The following RIOK2 variants were observed in gnomAD, a reference collection of about 807,000 sequenced individuals.
RIOK2 encodes the protein serine/threonine-protein kinase RIO2.
A neutral mutation model predicts 62.4 loss-of-function variants in RIOK2; 46 were observed. The ratio of observed to expected loss-of-function variants is 0.74; its 90% CI spans 0.58 to 0.94. The LOEUF (loss-of-function observed/expected upper bound fraction) is 0.94, where lower values mean the gene tolerates loss of function less well. Ranked by LOEUF, RIOK2 falls within the 40% of genes least tolerant of loss-of-function variation. The pLI is 0.00. For missense variants in RIOK2, 574 were observed against 658.0 expected, an observed-to-expected ratio of 0.87 and a Z score of 1.40; for synonymous variants, 197 against 216.0, an observed-to-expected ratio of 0.91 and a Z score of 0.77.
rs879063487 is a variant in RIOK2 at position 97,177,820 on chromosome 5, T to C, written c.234A>G (p.Ala78=). 3 of 1,613,318 alleles carry C rather than the reference T, an allele frequency of 1.9e-6. No individual in the cohort carries two copies. The South Asian group carries it at 3.3e-5, about 18-fold the overall frequency. Residue 78 remains alanine, a synonymous_variant, in exon 3 of 10, where the codon GCA becomes GCG. Transcript: ENST00000283109. The part of the protein sequence containing the change: ...KTVQGYRLTN[A]GYDYLALKTL... Reference sequence around the variant, plus strand: ...TTTTCAAAGCTAGGTAATCATATCCTGCATTTGTCAACCGATAGCCCTGGA... The same window carrying C: ...TTTTCAAAGCTAGGTAATCATATCCCGCATTTGTCAACCGATAGCCCTGGA...
At chr5:97,166,145 T>C in intron 8 of RIOK2, 1 of 291,060 alleles carries the variant, frequency 3.4e-6, no homozygotes, top group South Asian at 3.3e-5. Context: ...CCTTGGTCTC[T>C]AGCTTGTTGA....
chr5:97,170,854 T>G (rs1490668040), intron 6 of RIOK2, among the ~76,000 whole-genome samples: 1 of 151,794 alleles, frequency 6.6e-6, no homozygotes, highest in Non-Finnish European at 1.5e-5. Flanking sequence ...ACATCCAGAA[T>G]CAATAATAGC....
intron 4 of RIOK2, among the ~76,000 whole-genome samples, chr5:97,173,851 A>G (rs1344728975): frequency 1.3e-5 from 2 of 152,230 alleles, no homozygotes; most frequent in Non-Finnish European, 2.9e-5. Flanking sequence ...AAGACTCTCC[A>G]TACATCTTTT....
chr5:97,173,071 C>T, intron 5 of RIOK2, 104 bp downstream of exon 5: 1 of 704,260 alleles, frequency 1.4e-6, no homozygotes, highest in Non-Finnish European at 2.3e-6. Flanking sequence ...AAATTTTAAC[C>T]TCCCAGAGGC....
chr5:97,167,769 G>A lies in RIOK2; in HGVS notation c.1095C>T (p.Cys365=). 1 of 1,614,114 alleles carries A rather than the reference G, an allele frequency of 6.2e-7. No homozygotes were observed. Among genetic ancestry groups the A allele is most frequent in the South Asian group, 1.1e-5 (1 of 91,082 alleles). Residue 365 remains cysteine, a synonymous_variant, in exon 8 of 10, where the codon TGC becomes TGT. Coordinates refer to ENST00000283109, the MANE Select transcript of RIOK2 (RefSeq NM_018343.3). ...CAGGGTCTCCAGATGATCTGCAATA[G>A]CAGCCCTCTGATTCTTCTAGACAGT... The part of the protein sequence containing the change: ...ERNCLEESEG[C]YCRSSGDPEQ...
intron 4 of RIOK2, chr5:97,175,936 T>G (rs1276046296): frequency 2.0e-5 from 3 of 152,162 alleles, no homozygotes; most frequent in Non-Finnish European, 4.4e-5. Context: ...ATAAAGGATT[T>G]TTTTTTTTAA....
rs1749263396 is a variant in RIOK2, at chr5:97,179,138, A to T, written c.122T>A (p.Ile41Lys). 1.9e-6 allele frequency: 3 copies of T among 1,613,908 alleles called. No individual in the cohort carries two copies. The highest frequency in any genetic ancestry group is 1.3e-5 in the African/African-American group (1 of 75,066). ...ACAGCCACCATGTTTAAGGCTGGCT[A>T]TAGAAGCAATCAAACTGCCGGGAAC... ...EIVPGSLIASIASLKHGGCNK... is the reference protein window; with the variant it reads ...EIVPGSLIASKASLKHGGCNK... The change falls in exon 2 of 10, where the codon ATA becomes AAA. Residue 41 changes from isoleucine to lysine, a missense_variant. Transcript: ENST00000283109.
At chr5:97,179,907 T>C (rs1224119665) in intron 1 of RIOK2, among the ~76,000 whole-genome samples, 1 of 131,482 alleles carries the variant, frequency 7.6e-6, no homozygotes, top group African/African-American at 2.9e-5. Flanking sequence ...AGCATGTGTA[T>C]ACCTATGTAA....
At chr5:97,163,792 C>A (rs958404172) in intron 9 of RIOK2, among the ~76,000 whole-genome samples, 1 of 152,172 alleles carries the variant, frequency 6.6e-6, no homozygotes, top group African/African-American at 2.4e-5. Context: ...TTCTCTGAAG[C>A]ACTACAGTCT....
intron 1 of RIOK2, among the ~76,000 whole-genome samples, chr5:97,179,654 C>A (rs1444884578): frequency 6.6e-6 from 1 of 151,648 alleles, no homozygotes; most frequent in Non-Finnish European, 1.5e-5. Context: ...GAGTTCATGC[C>A]TTTTGCAGGG....
chr5:97,173,965 T>C (rs751052886), intron 4 of RIOK2, among the ~76,000 whole-genome samples: 17 of 152,184 alleles, frequency 1.1e-4, no homozygotes, highest in Admixed American at 1.1e-3. Flanking sequence ...ATGCTAGTAT[T>C]AGGAATGGCA....
At chr5:97,163,281 C>T (rs1748753410) in intron 9 of RIOK2, 56 bp from the exon 10 acceptor site, 1 of 1,352,368 alleles carries the variant, frequency 7.4e-7, no homozygotes. Context: ...AAAAAGTACA[C>T]TGCTAATATC....
chr5:97,167,681 C>T lies in RIOK2; in HGVS notation c.1183G>A (p.Glu395Lys). The part of the protein sequence containing the change: ...SADARSFEMT[E>K]FNQALEEIKG... Reference sequence around the variant, plus strand: ...ATTTCTTCTAAAGCTTGATTGAATTCAGTCATTTCAAAACTCCGTGCATCA... The same window carrying T: ...ATTTCTTCTAAAGCTTGATTGAATTTAGTCATTTCAAAACTCCGTGCATCA... The change falls in exon 8 of 10, where the codon GAA (glutamate) becomes AAA (lysine). Residue 395 changes from glutamate to lysine, a missense_variant. Glu to Lys is a moderately conservative substitution (Grantham distance 56). Coordinates refer to ENST00000283109, the MANE Select transcript of RIOK2 (RefSeq NM_018343.3). The T allele has an allele frequency of 6.2e-7, 1 of 1,614,162 alleles. No homozygotes were observed. The highest frequency in any genetic ancestry group is 1.6e-4 in the Middle Eastern group (1 of 6,062).
In RIOK2 at chr5:97,182,521, A is replaced by T. The variant is rs536193037; in HGVS notation, c.66+605T>A. On this transcript the variant is annotated intron_variant, in intron 1 of 9. Coordinates refer to ENST00000283109, the MANE Select transcript of RIOK2 (RefSeq NM_018343.3). ...ATTTATTGATTGTCTACCAAAGGCC[A>T]ATAACTTGTGCCCCTCCTCTCCACC... Among the ~76,000 whole-genome samples, 7 of 152,312 alleles carry T rather than the reference A, an allele frequency of 4.6e-5. No individual in the cohort carries two copies. The South Asian group carries it at 1.5e-3, about 32-fold the overall frequency.
In RIOK2 at chr5:97,161,811, TAC is replaced by T. The variant is rs1748707619; in HGVS notation, c.*1248_*1249del. 1 of 152,212 alleles carries T rather than the reference TAC, an allele frequency of 6.6e-6. No homozygotes were observed. The highest frequency in any genetic ancestry group is 1.5e-5 in the Non-Finnish European group (1 of 68,034). 9.4% of individuals were successfully genotyped at this position (152,212 alleles called of 1,614,324 possible). On this transcript the variant is annotated 3_prime_UTR_variant, in exon 10 of 10. Transcript: ENST00000283109. Reference sequence around the variant, plus strand: ...GGTTCTATTAAGCTGTTTTCAACTTTACATTATAAAAATGCTTAAAAGTTGAG... The same window carrying T: ...GGTTCTATTAAGCTGTTTTCAACTTTATTATAAAAATGCTTAAAAGTTGAG...
chr5:97,181,164 T>TG (rs1203299889), intron 1 of RIOK2, among the ~76,000 whole-genome samples: 1 of 150,146 alleles, frequency 6.7e-6, no homozygotes, highest in Non-Finnish European at 1.5e-5. Context: ...CCCAGCTACT[T>TG]GGGAGGCTGA....
chr5:97,173,628 GTAAGT>G (rs1749078410), intron 4 of RIOK2, among the ~76,000 whole-genome samples: 1 of 152,080 alleles, frequency 6.6e-6, no homozygotes, highest in African/African-American at 2.4e-5. Context: ...TTCCTATTTT[GTAAGT>G]CTCTGACATT....
At position 97,162,709 on chromosome 5, in the gene RIOK2, T is replaced by C. The variant is rs1748735740; in HGVS notation, c.*352A>G. The C allele has an allele frequency of 6.0e-6, 1 of 165,862 alleles. No homozygotes were observed. Among genetic ancestry groups the C allele is most frequent in the African/African-American group, 2.4e-5 (1 of 41,936 alleles). 10.3% of individuals were successfully genotyped at this position (165,862 alleles called of 1,614,324 possible). On this transcript the variant is annotated 3_prime_UTR_variant, in exon 10 of 10. Coordinates refer to ENST00000283109, the MANE Select transcript of RIOK2 (RefSeq NM_018343.3). ...TATGATTCTAATAGCCATGTTTTAT[T>C]GAATGCTTAAGAATGTGCTAAACAT...
At position 97,182,785 on chromosome 5, in the gene RIOK2, G is replaced by GC. The variant is rs1405407484; in HGVS notation, c.66+340_66+341insG. ...GTCAATATTATCAAATCTCGGGGGGGGGGGGGGGCTTAAACCTTTCACAGC... is the reference window on the plus strand; with the variant it reads ...GTCAATATTATCAAATCTCGGGGGGGCGGGGGGGGCTTAAACCTTTCACAGC... On this transcript the variant is annotated intron_variant, in intron 1 of 9. Coordinates refer to ENST00000283109, the MANE Select transcript of RIOK2 (RefSeq NM_018343.3). The GC allele has an allele frequency of 1.3e-5, 3 of 235,264 alleles. 1 individual carries two copies. The highest frequency in any genetic ancestry group is 5.0e-5 in the South Asian group (1 of 20,198). The allele number at this position is 235,264 out of a possible 1,614,324, so 14.6% of individuals were successfully genotyped here.
Sources: allele counts gnomAD v4.1 joint callset (sites outside exome capture counted in the v4.1 genomes callset), GRCh38; gene constraint gnomAD v4.1.1; transcripts MANE v1.5; gene names NCBI Gene and HGNC (gene_info 2026-07-23, HGNC 2026-07-21).